FOXF2: variants seen among roughly 807,000 people sequenced by gnomAD.
FOXF2 encodes forkhead box protein F2.
In FOXF2, 15 loss-of-function variants were observed where a neutral mutation model predicts 29.1. That is an observed-to-expected ratio of 0.52 (90% CI 0.35 to 0.79). The LOEUF (loss-of-function observed/expected upper bound fraction) is 0.79, where lower values mean the gene tolerates loss of function less well. FOXF2 is among the 30% of genes least tolerant of loss of function. The pLI, the probability that FOXF2 is intolerant of heterozygous loss-of-function variation, is 0.01. For synonymous variants in FOXF2, 337 were observed against 316.5 expected (o/e 1.06, Z -0.69); for missense variants, 675 against 667.1 (o/e 1.01, Z -0.13).
rs1375211726 is a variant in FOXF2, at chr6:1,395,092, G to A, written c.*233G>A. 2 of 570,876 alleles carry A rather than the reference G, an allele frequency of 3.5e-6. No individual in the cohort carries two copies. Among genetic ancestry groups the A allele is most frequent in the Non-Finnish European group, 6.3e-6 (2 of 318,124 alleles). The allele number at this position is 570,876 out of a possible 1,614,324, so 35.4% of individuals were successfully genotyped here. Reference sequence around the variant, plus strand: ...TCTGAATACCTGCAGGCTCCCACATGAGGGAGAGGGCAGACTCAGGTGGGA... The same window carrying A: ...TCTGAATACCTGCAGGCTCCCACATAAGGGAGAGGGCAGACTCAGGTGGGA... On this transcript the variant is annotated 3_prime_UTR_variant, in exon 2 of 2. Transcript: ENST00000645481.
rs771409817 is a variant in FOXF2, at chr6:1,390,253, C to T, written c.306C>T (p.Pro102=). The T allele has an allele frequency of 1.9e-6, 3 of 1,610,234 alleles. No individual in the cohort carries two copies. The highest frequency in any genetic ancestry group is 1.7e-6 in the Non-Finnish European group (2 of 1,179,408). ...GGCTGCGGCGGCCCGAGAAGCCGCC[C>T]TACTCGTACATCGCGCTCATCGTCA... ...SSGLRRPEKP[P]YSYIALIVMA... Residue 102 remains proline, a synonymous_variant, in exon 1 of 2, where the codon CCC becomes CCT. Transcript: ENST00000645481. The surrounding 1 kb of genome is among the most constrained non-coding windows in gnomAD (Gnocchi z 8.5).
chr6:1,390,766 C>G lies in FOXF2; in HGVS notation c.819C>G (p.Val273=). The change falls in exon 1 of 2, where the codon GTC becomes GTG. Residue 273 remains valine (V), a synonymous_variant. Transcript: ENST00000645481. This position sits in a 1 kb window ranked among gnomAD's most constrained non-coding sequence, Gnocchi z 8.5. ...AHPHHHHHHH[V]PHMSPNPGST... ...CTCACCACCACCACCACCACCACGT[C>G]CCGCACATGTCGCCCAACCCGGGTT... 7.2e-7 allele frequency: 1 copy of G among 1,397,772 alleles called. No individual in the cohort carries two copies. The highest frequency in any genetic ancestry group is 9.2e-7 in the Non-Finnish European group (1 of 1,087,402). The allele number at this position is 1,397,772 out of a possible 1,614,324, so 86.6% of individuals were successfully genotyped here. A position where few individuals can be genotyped will look rare whatever the true frequency, so the allele number is the denominator to read the frequency against.
In FOXF2 at chr6:1,395,082, G is replaced by T. The variant is rs1758877436; in HGVS notation, c.*223G>T. 1 of 580,158 alleles carries T rather than the reference G, an allele frequency of 1.7e-6. No homozygotes were observed. Among genetic ancestry groups the T allele is most frequent in the Non-Finnish European group, 3.1e-6 (1 of 324,016 alleles). The allele number at this position is 580,158 out of a possible 1,614,324, so 35.9% of individuals were successfully genotyped here. On this transcript the variant is annotated 3_prime_UTR_variant, in exon 2 of 2. Transcript: ENST00000645481. ...CGTTCCCCAATCTGAATACCTGCAG[G>T]CTCCCACATGAGGGAGAGGGCAGAC...
In FOXF2 at chr6:1,390,088, C is replaced by T; in HGVS notation, c.141C>T (p.Ser47=). The T allele has an allele frequency of 7.0e-7, 1 of 1,427,466 alleles. No individual in the cohort carries two copies. Among genetic ancestry groups the T allele is most frequent in the Admixed American group, 2.4e-5 (1 of 41,192 alleles). 88.4% of individuals were successfully genotyped at this position (1,427,466 alleles called of 1,614,324 possible). The change falls in exon 1 of 2, where the codon TCC becomes TCT. Residue 47 remains serine, a synonymous_variant. Transcript: ENST00000645481. The surrounding 1 kb of genome is among the most constrained non-coding windows in gnomAD (Gnocchi z 8.5). ...CCGCCGCCCCGGAGACCACCTCCTC[C>T]TCCTCGTCGTCGTCCTCCGCCTCCT... The part of the protein sequence containing the change: ...AAAAAPETTS[S]SSSSSSASCA...
Position 1,390,109 on chromosome 6 carries a change from C to T in FOXF2, c.162C>T (p.Ala54=). 1 of 1,433,822 alleles carries T rather than the reference C, an allele frequency of 7.0e-7. No homozygotes were observed. Among genetic ancestry groups the T allele is most frequent in the Non-Finnish European group, 9.3e-7 (1 of 1,079,578 alleles). The allele number at this position is 1,433,822 out of a possible 1,614,324, so 88.8% of individuals were successfully genotyped here. The change falls in exon 1 of 2, where the codon GCC becomes GCT. Residue 54 remains alanine, a synonymous_variant. Coordinates refer to ENST00000645481, the MANE Select transcript of FOXF2 (RefSeq NM_001452.2). The surrounding 1 kb of genome is among the most constrained non-coding windows in gnomAD (Gnocchi z 8.5). ...CCTCCTCCTCGTCGTCGTCCTCCGC[C>T]TCCTGCGCCTCGTCCTCGTCCTCCT... ...TTSSSSSSSS[A]SCASSSSSSN... is the part of the protein sequence containing the mutation.
chr6:1,390,061 C>A lies in FOXF2; in HGVS notation c.114C>A (p.Ala38=). The change falls in exon 1 of 2, where the codon GCC becomes GCA. Residue 38 remains alanine, a synonymous_variant. Coordinates refer to ENST00000645481, the MANE Select transcript of FOXF2 (RefSeq NM_001452.2). This position sits in a 1 kb window ranked among gnomAD's most constrained non-coding sequence, Gnocchi z 8.5. ...MSPPPAAAAA[A]AAAPETTSSS... is the part of the protein sequence containing the mutation. The stretch of plus-strand genomic sequence containing the variant: ...CGCCGCCCGCCGCCGCCGCCGCCGC[C>A]GCCGCCGCCCCGGAGACCACCTCCT... 1 of 1,393,996 alleles carries A rather than the reference C, an allele frequency of 7.2e-7. No homozygotes were observed. Among genetic ancestry groups the A allele is most frequent in the South Asian group, 1.5e-5 (1 of 66,332 alleles). 86.4% of individuals were successfully genotyped at this position (1,393,996 alleles called of 1,614,324 possible). A position where few individuals can be genotyped will look rare whatever the true frequency, so the allele number is the denominator to read the frequency against.
At position 1,390,723 on chromosome 6, in the gene FOXF2, C is replaced by A. The variant is rs769850882; in HGVS notation, c.776C>A (p.Ala259Asp). The change falls in exon 1 of 2, where the codon GCC (alanine) becomes GAC (aspartate). Residue 259 changes from alanine to aspartate, a missense_variant. Coordinates refer to ENST00000645481, the MANE Select transcript of FOXF2 (RefSeq NM_001452.2). This position sits in a 1 kb window ranked among gnomAD's most constrained non-coding sequence, Gnocchi z 8.5. The part of the protein sequence containing the change: ...MPAGYDAGAG[A>D]PSHAHPHHHH... ...GCGGGCTACGACGCCGGCGCGGGCG[C>A]CCCCAGCCACGCGCACCCTCACCAC... The A allele has an allele frequency of 2.1e-6, 3 of 1,432,760 alleles. No homozygotes were observed. Among genetic ancestry groups the A allele is most frequent in the South Asian group, 3.0e-5 (2 of 67,300 alleles). 88.8% of individuals were successfully genotyped at this position (1,432,760 alleles called of 1,614,324 possible). A position where few individuals can be genotyped will look rare whatever the true frequency, so the allele number is the denominator to read the frequency against.
rs1758753162 is a variant in FOXF2, at chr6:1,390,244, G to A, written c.297G>A (p.Glu99=). Residue 99 remains glutamate, a synonymous_variant, in exon 1 of 2, where the codon GAG becomes GAA. Coordinates refer to ENST00000645481, the MANE Select transcript of FOXF2 (RefSeq NM_001452.2). This position sits in a 1 kb window ranked among gnomAD's most constrained non-coding sequence, Gnocchi z 8.5. ...KKASSGLRRP[E]KPPYSYIALI... ...CGAGCTCGGGGCTGCGGCGGCCCGA[G>A]AAGCCGCCCTACTCGTACATCGCGC... The A allele has an allele frequency of 6.2e-7, 1 of 1,605,428 alleles. No individual in the cohort carries two copies. Among genetic ancestry groups the A allele is most frequent in the Non-Finnish European group, 8.5e-7 (1 of 1,177,744 alleles).
chr6:1,394,358 C>G (rs1016131973), intron 1 of FOXF2, among the ~76,000 whole-genome samples: 4 of 152,172 alleles, frequency 2.6e-5, no homozygotes, highest in African/African-American at 9.7e-5. Context: ...GAGTCTGGGT[C>G]TAGTTGTCCG....
At position 1,390,811 on chromosome 6, in the gene FOXF2, C is replaced by A; in HGVS notation, c.864C>A (p.Cys288Ter). The A allele has an allele frequency of 7.2e-7, 1 of 1,387,042 alleles. No homozygotes were observed. Among genetic ancestry groups the A allele is most frequent in the Non-Finnish European group, 9.2e-7 (1 of 1,082,840 alleles). The allele number at this position is 1,387,042 out of a possible 1,614,324, so 85.9% of individuals were successfully genotyped here. Residue 288 changes from cysteine to a stop codon, truncating the protein, a stop_gained, in exon 1 of 2, where the codon TGC (cysteine) becomes TGA (stop). Coordinates refer to ENST00000645481, the MANE Select transcript of FOXF2 (RefSeq NM_001452.2). LOFTEE classifies it high-confidence loss of function. The surrounding 1 kb of genome is among the most constrained non-coding windows in gnomAD (Gnocchi z 8.5). ...CGGGTTCCACCTACATGGCCAGCTG[C>A]CCGGTGCCCGCGGGACCCGGGGGCG... ...PNPGSTYMASCPVPAGPGGVG... is the reference protein window; with the variant it reads ...PNPGSTYMAS
intron 1 of FOXF2, among the ~76,000 whole-genome samples, chr6:1,393,268 GT>G (rs923186066): frequency 6.6e-6 from 1 of 152,064 alleles, no homozygotes; most frequent in African/African-American, 2.4e-5. Context: ...CTGCCCTGGA[GT>G]TCTCCATTAA....
In FOXF2 at chr6:1,390,041, C is replaced by CCCGCCGCCG. The variant is rs747033801; in HGVS notation, c.115_123dup (p.Ala39_Ala41dup). 1.4e-4 allele frequency: 186 copies of CCCGCCGCCG among 1,354,886 alleles called. No homozygotes were observed. The highest frequency in any genetic ancestry group is 3.4e-4 in the African/African-American group (22 of 64,564). 83.9% of individuals were successfully genotyped at this position (1,354,886 alleles called of 1,614,324 possible). A position where few individuals can be genotyped will look rare whatever the true frequency, so the allele number is the denominator to read the frequency against. On this transcript the variant is annotated inframe_insertion, in exon 1 of 2. Coordinates refer to ENST00000645481, the MANE Select transcript of FOXF2 (RefSeq NM_001452.2). This position sits in a 1 kb window ranked among gnomAD's most constrained non-coding sequence, Gnocchi z 8.5. Reference sequence around the variant, plus strand: ...CCAGGCCGCCCTGATGAGCCCGCCGCCCGCCGCCGCCGCCGCCGCCGCCGC... The same window carrying CCCGCCGCCG: ...CCAGGCCGCCCTGATGAGCCCGCCGCCCGCCGCCGCCGCCGCCGCCGCCGCCGCCGCCGC...
rs951001033 is a variant in FOXF2, at chr6:1,389,960, G to A, written c.13G>A (p.Gly5Ser). The stretch of plus-strand genomic sequence containing the variant: ...TCCCGGGTCCCAGATGACCACCGAG[G>A]GCGGGCCGCCGCCGGCCCCGCTCCG... Reference protein sequence around the residue: MTTEGGPPPAPLRRA... With the variant: MTTESGPPPAPLRRA... Residue 5 changes from glycine (G) to serine (S), a missense_variant, in exon 1 of 2, where the codon GGC (glycine) becomes AGC (serine). Physicochemically the swap from Gly to Ser is moderately conservative, Grantham distance 56 (BLOSUM62 0). Transcript: ENST00000645481. 11 of 997,826 alleles carry A rather than the reference G, an allele frequency of 1.1e-5. No individual in the cohort carries two copies. Among genetic ancestry groups the A allele is most frequent in the African/African-American group, 8.8e-5 (5 of 56,550 alleles). 61.8% of individuals were successfully genotyped at this position (997,826 alleles called of 1,614,324 possible). A position where few individuals can be genotyped will look rare whatever the true frequency, so the allele number is the denominator to read the frequency against.
Position 1,390,575 on chromosome 6 carries a change from G to A in FOXF2, c.628G>A (p.Val210Met), listed in dbSNP as rs748256575. 9 of 1,601,020 alleles carry A rather than the reference G, an allele frequency of 5.6e-6. No homozygotes were observed. The African/African-American group carries it at 8.0e-5, about 14-fold the overall frequency. The change falls in exon 1 of 2, where the codon GTG (valine) becomes ATG (methionine). Residue 210 changes from valine (V) to methionine (M), a missense_variant. Coordinates refer to ENST00000645481, the MANE Select transcript of FOXF2 (RefSeq NM_001452.2). The surrounding 1 kb of genome is among the most constrained non-coding windows in gnomAD (Gnocchi z 8.5). The stretch of plus-strand genomic sequence containing the variant: ...GGCGCTCAAGCCCATGTACCACCGC[G>A]TGGTGAGCGGCTTGGGCTTCGGGGC... ...CQALKPMYHR[V>M]VSGLGFGASL...
intron 1 of FOXF2, among the ~76,000 whole-genome samples, chr6:1,392,433 A>ACCACACACACACACACAC (rs1561785439): frequency 4.6e-5 from 4 of 86,302 alleles, no homozygotes; most frequent in African/African-American, 2.2e-4. Flanking sequence ...CCGGCTGTCA[A>ACCACACACACACACACAC]TCACACACAC....
rs1758776738 is a variant in FOXF2, at chr6:1,390,996, A to G, written c.1049A>G (p.Lys350Arg). The stretch of plus-strand genomic sequence containing the variant: ...TCGCCTGGCGCCTCGCCTTACCTCA[A>G]GCAGCCGCCTGCCCTGACGCCCAGC... ...WSSPGASPYL[K>R]QPPALTPSSN... Residue 350 changes from lysine (K) to arginine (R), a missense_variant, in exon 1 of 2, where the codon AAG (lysine) becomes AGG (arginine). This residue lies in a region of FOXF2 where 451 missense variants were observed against 437.2 expected (regional missense o/e 1.03). Coordinates refer to ENST00000645481, the MANE Select transcript of FOXF2 (RefSeq NM_001452.2). The surrounding 1 kb of genome is among the most constrained non-coding windows in gnomAD (Gnocchi z 8.5). 1.3e-6 allele frequency: 2 copies of G among 1,596,780 alleles called. No individual in the cohort carries two copies. The highest frequency in any genetic ancestry group is 1.3e-5 in the African/African-American group (1 of 74,826).
In FOXF2 at chr6:1,393,113, A is replaced by C. The variant is rs529030995; in HGVS notation, c.1172-1583A>C. ...GCCCGGCGAGGCGCGGGGGTGGCCA[A>C]GGCAGTCTCCCCGGCACACAGATCA... On this transcript the variant is annotated intron_variant, in intron 1 of 1. Coordinates refer to ENST00000645481, the MANE Select transcript of FOXF2 (RefSeq NM_001452.2). Among the ~76,000 whole-genome samples, 16 of 152,070 alleles carry C rather than the reference A, an allele frequency of 1.1e-4. No homozygotes were observed. In the South Asian group the frequency reaches 2.9e-3, roughly 28 times the overall value.
At chr6:1,393,870 G>GCAAAA (rs1758847209) in intron 1 of FOXF2, among the ~76,000 whole-genome samples, 4 of 152,208 alleles carry the variant, frequency 2.6e-5, no homozygotes, top group Admixed American at 2.0e-4. Context: ...GAAAGCAAAA[G>GCAAAA]CAAAAGCCGG....
intron 1 of FOXF2, among the ~76,000 whole-genome samples, chr6:1,393,735 AAG>A (rs1758843936): frequency 6.6e-6 from 1 of 152,184 alleles, no homozygotes; most frequent in South Asian, 2.1e-4. Flanking sequence ...TCGGTTAACT[AAG>A]AAAAGACCCG....
Sources: allele counts gnomAD v4.1 joint callset (sites outside exome capture counted in the v4.1 genomes callset), GRCh38; gene constraint gnomAD v4.1.1; regional missense constraint gnomAD v4.1.1; non-coding constraint Gnocchi (gnomAD v3.1); transcripts MANE v1.5; gene names NCBI Gene and HGNC (gene_info 2026-07-23, HGNC 2026-07-21).